FOXJ3: variants seen among roughly 807,000 people sequenced by gnomAD.
FOXJ3 encodes forkhead box protein J3.
In FOXJ3, 22 loss-of-function variants were observed where a neutral mutation model predicts 76.1. The ratio of observed to expected loss-of-function variants is 0.29; its 90% CI spans 0.21 to 0.41. The LOEUF (loss-of-function observed/expected upper bound fraction) is 0.41. Ranked by LOEUF, FOXJ3 falls within the 10% of genes least tolerant of loss-of-function variation. The pLI is 1.00. For missense variants in FOXJ3, 613 were observed against 762.1 expected (o/e 0.80, Z 2.30); for synonymous variants, 269 against 261.2 (o/e 1.03, Z -0.29).
chr1:42,329,951 A>G (rs1482701112), intron 1 of FOXJ3, among the ~76,000 whole-genome samples: 1 of 152,124 alleles, frequency 6.6e-6, no homozygotes, highest in Non-Finnish European at 1.5e-5. Flanking sequence ...AATAGACTAC[A>G]AGGGTTCAAA....
chr1:42,186,191 T>C (rs1375425442), intron 11 of FOXJ3, among the ~76,000 whole-genome samples: 1 of 151,940 alleles, frequency 6.6e-6, no homozygotes, highest in East Asian at 1.9e-4. Flanking sequence ...AAAAAAGGAA[T>C]GACAGAAAGA....
intron 9 of FOXJ3, chr1:42,189,916 G>A (rs543824577): frequency 7.2e-5 from 11 of 152,734 alleles, no homozygotes; most frequent in East Asian, 5.8e-4. Flanking sequence ...ATGACTTAAC[G>A]CAGGTGGATT....
rs1646849428 is a variant in FOXJ3, at chr1:42,205,774, A to C, written c.618T>G (p.Thr206=). ...GSASPTLAIN[T]VTNKVTLYNT... The stretch of plus-strand genomic sequence containing the variant: ...AAAATGAAATTACTTTGTTAGTCAC[A>C]GTGTTGATTGCCAGAGTTGGAGAGG... Residue 206 remains threonine (T), a synonymous_variant, in exon 6 of 13, where the codon ACT becomes ACG. Coordinates refer to ENST00000361346, the MANE Select transcript of FOXJ3 (RefSeq NM_014947.5). 3 of 1,577,028 alleles carry C rather than the reference A, an allele frequency of 1.9e-6. No individual in the cohort carries two copies. The highest frequency in any genetic ancestry group is 1.3e-5 in the African/African-American group (1 of 74,214).
At chr1:42,200,352 CT>C (rs1472612451) in intron 6 of FOXJ3, among the ~76,000 whole-genome samples, 3 of 152,150 alleles carry the variant, frequency 2.0e-5, no homozygotes, top group Non-Finnish European at 4.4e-5. Context: ...GCATTAATAT[CT>C]ACTCTTTATA....
At chr1:42,241,363 C>T (rs1449174959) in intron 4 of FOXJ3, among the ~76,000 whole-genome samples, 2 of 152,174 alleles carry the variant, frequency 1.3e-5, no homozygotes, top group African/African-American at 2.4e-5. Flanking sequence ...ACCCCAAACA[C>T]CGCTCCAGCT....
rs1369870920 is a variant in FOXJ3, at chr1:42,199,224, A to C, written c.637T>G (p.Leu213Val). The C allele has an allele frequency of 6.2e-6, 10 of 1,608,530 alleles. No individual in the cohort carries two copies. Among genetic ancestry groups the C allele is most frequent in the Non-Finnish European group, 8.5e-6 (10 of 1,176,574 alleles). The change falls in exon 7 of 13, where the codon TTG (leucine) becomes GTG (valine). Residue 213 changes from leucine to valine, a missense_variant. Leu to Val is a conservative substitution (Grantham distance 32, BLOSUM62 1). This residue lies in a region of FOXJ3 where 526 missense variants were observed against 601.4 expected (regional missense o/e 0.87). Transcript: ENST00000361346. ...AINTVTNKVT[L>V]YNTDQDGSDS... ...CTACCATCCTGATCAGTGTTATACA[A>C]TGTTACCTAAAATGAAAAAAGAAAA...
intron 2 of FOXJ3, 123 bp downstream of exon 2, chr1:42,310,927 G>A: frequency 1.7e-6 from 1 of 603,990 alleles, no homozygotes; most frequent in South Asian, 2.6e-5. Context: ...TGCACTACTT[G>A]ACAAAACAAG....
intron 2 of FOXJ3, among the ~76,000 whole-genome samples, chr1:42,310,450 C>CA (rs1397681255): frequency 7.7e-6 from 1 of 130,160 alleles, no homozygotes; most frequent in Admixed American, 7.7e-5. Context: ...GGGCTTTTTT[C>CA]TTTTTTTTTT....
At chr1:42,316,409 G>C (rs1405214165) in intron 1 of FOXJ3, among the ~76,000 whole-genome samples, 1 of 135,536 alleles carries the variant, frequency 7.4e-6, no homozygotes, top group African/African-American at 2.7e-5. Flanking sequence ...GGCCTCAAAT[G>C]ATCCTCTCAC....
At chr1:42,205,413 T>C (rs1646842305) in intron 6 of FOXJ3, among the ~76,000 whole-genome samples, 2 of 152,176 alleles carry the variant, frequency 1.3e-5, no homozygotes, top group Admixed American at 1.3e-4. Flanking sequence ...AATTTGACAA[T>C]CTTTTTTTCA....
intron 4 of FOXJ3, among the ~76,000 whole-genome samples, chr1:42,255,656 A>G (rs2124592017): frequency 6.6e-6 from 1 of 152,364 alleles, no homozygotes; most frequent in Non-Finnish European, 1.5e-5. Flanking sequence ...AAGATACACC[A>G]TGATGTTGCA....
At chr1:42,215,387 G>C (rs754283523) in intron 5 of FOXJ3, among the ~76,000 whole-genome samples, 3 of 151,872 alleles carry the variant, frequency 2.0e-5, no homozygotes, top group Non-Finnish European at 4.4e-5. Flanking sequence ...AATAAGTAAA[G>C]AATCAGTAAA....
chr1:42,330,780 A>G (rs1027919025), intron 1 of FOXJ3, among the ~76,000 whole-genome samples: 1 of 152,228 alleles, frequency 6.6e-6, no homozygotes, highest in African/African-American at 2.4e-5. Context: ...AATATGAACT[A>G]AGAAGACCTA....
chr1:42,323,631 A>T, intron 1 of FOXJ3: 1 of 842,320 alleles, frequency 1.2e-6, no homozygotes, highest in Non-Finnish European at 1.4e-6. Flanking sequence ...GTAAACCCAT[A>T]GCTCTTAGTA....
At chr1:42,209,965 A>G (rs1646934447) in intron 5 of FOXJ3, among the ~76,000 whole-genome samples, 1 of 152,152 alleles carries the variant, frequency 6.6e-6, no homozygotes, top group South Asian at 2.1e-4. Flanking sequence ...TATGGCCTGA[A>G]AACTGTGGTT....
chr1:42,323,775 GATTATCT>G, intron 1 of FOXJ3: 14 of 754,788 alleles, frequency 1.9e-5, no homozygotes, highest in Non-Finnish European at 2.3e-5. Flanking sequence ...ATAATTGAAG[GATTATCT>G]TGTGAAAGAA....
intron 2 of FOXJ3, among the ~76,000 whole-genome samples, chr1:42,285,693 G>C (rs1653009990): frequency 6.8e-6 from 1 of 146,536 alleles, no homozygotes; most frequent in Non-Finnish European, 1.5e-5. Flanking sequence ...AGACCATAAA[G>C]GACAATGAAA....
chr1:42,189,243 T>C, intron 10 of FOXJ3, 60 bp downstream of exon 10: 1 of 1,027,348 alleles, frequency 9.7e-7, no homozygotes, highest in South Asian at 1.3e-5. Context: ...AAAGTTATAA[T>C]CTAGCAGAGA....
chr1:42,202,649 A>T (rs1164776998), intron 6 of FOXJ3, among the ~76,000 whole-genome samples: 1 of 152,168 alleles, frequency 6.6e-6, no homozygotes, highest in Non-Finnish European at 1.5e-5. Flanking sequence ...TCACAAGGAG[A>T]AAAAAATGGG....
Sources: gnomAD v4.1 joint callset for allele counts (sites outside exome capture counted in the v4.1 genomes callset) on GRCh38, gnomAD v4.1.1 for gene constraint, gnomAD v4.1.1 regional missense constraint, MANE v1.5 for transcripts, NCBI Gene and HGNC (gene_info 2026-07-23, HGNC 2026-07-21) for gene names.